Variants in DSCAM observed in about 807,000 individuals in gnomAD.
The protein encoded by DSCAM is cell adhesion molecule DSCAM.
A neutral mutation model predicts 217.7 loss-of-function variants in DSCAM; 47 were observed. The ratio of observed to expected loss-of-function variants is 0.22; its 90% CI spans 0.17 to 0.28. DSCAM has a LOEUF of 0.28. Ranked by LOEUF, DSCAM falls within the 10% of genes least tolerant of loss-of-function variation. The pLI, the probability that DSCAM is intolerant of heterozygous loss-of-function variation, is 1.00. For missense variants in DSCAM, 2,080 were observed against 2,618.3 expected (o/e 0.79, Z 4.49); for synonymous variants, 1,056 against 1,015.3 (o/e 1.04, Z -0.76).
intron 10 of DSCAM, among the ~76,000 whole-genome samples, chr21:40,295,433 T>C (rs1380656351): frequency 6.6e-6 from 1 of 152,150 alleles, no homozygotes; most frequent in African/African-American, 2.4e-5. Context: ...ATATCTACAA[T>C]GTCACCTAAA....
intron 2 of DSCAM, among the ~76,000 whole-genome samples, chr21:40,693,520 A>G (rs2090562891): frequency 6.6e-6 from 1 of 152,180 alleles, no homozygotes; most frequent in Non-Finnish European, 1.5e-5. Flanking sequence ...TCATGAAAGA[A>G]AAGTTACTGG....
rs148414885 is a variant in DSCAM at position 40,250,923 on chromosome 21, C to T, written c.2356+25174G>A. On this transcript the variant is annotated intron_variant, in intron 11 of 32. Transcript: ENST00000400454. ...GACCCTGTCCTTCTTGGCGTCTTTC[C>T]CTGCTTATCAGACCAGTTCTGGGCA... 3.1e-4 allele frequency among the ~76,000 whole-genome samples: 47 copies of T among 152,338 alleles called. No homozygotes were observed. The East Asian group carries it at 8.7e-3, about 28-fold the overall frequency.
At chr21:40,704,694 C>A (rs1329453382) in intron 2 of DSCAM, among the ~76,000 whole-genome samples, 1 of 151,960 alleles carries the variant, frequency 6.6e-6, no homozygotes, top group African/African-American at 2.4e-5. Flanking sequence ...CCGACCTGGA[C>A]AAGAGAGGGA....
At chr21:40,672,609 G>A (rs1210145075) in intron 3 of DSCAM, among the ~76,000 whole-genome samples, 1 of 152,132 alleles carries the variant, frequency 6.6e-6, no homozygotes. Flanking sequence ...GAGCCTAAGT[G>A]GCTCACAGGA....
chr21:40,557,665 T>C (rs1402310121), intron 3 of DSCAM, among the ~76,000 whole-genome samples: 1 of 152,190 alleles, frequency 6.6e-6, no homozygotes, highest in Non-Finnish European at 1.5e-5. Context: ...AATCTCCCTG[T>C]ACATGCGCAC....
intron 14 of DSCAM, 47 bp downstream of exon 14, chr21:40,187,084 A>G (rs771425052): frequency 6.2e-7 from 1 of 1,605,296 alleles, no homozygotes; most frequent in East Asian, 2.2e-5. Flanking sequence ...GAAAAATAAA[A>G]GAACTTTCTG....
intron 3 of DSCAM, among the ~76,000 whole-genome samples, chr21:40,544,296 T>G (rs76815176): frequency 0.02 from 3,101 of 152,258 alleles, 123 homozygotes; most frequent in African/African-American, 0.069. Context: ...ATCGGAAACT[T>G]CACATGAATA....
At chr21:40,077,218 G>C (rs1214521682) in intron 26 of DSCAM, among the ~76,000 whole-genome samples, 5 of 152,194 alleles carry the variant, frequency 3.3e-5, no homozygotes, top group Non-Finnish European at 4.4e-5. Flanking sequence ...ACCAACACTA[G>C]AAGAGCTTTC....
At chr21:40,378,698 T>C (rs962384600) in intron 3 of DSCAM, among the ~76,000 whole-genome samples, 3 of 149,466 alleles carry the variant, frequency 2.0e-5, no homozygotes, top group Non-Finnish European at 4.4e-5. Context: ...TTCACGCCAT[T>C]CTCCTGCCTC....
chr21:40,595,389 A>C (rs1297593158), intron 3 of DSCAM, among the ~76,000 whole-genome samples: 3 of 151,904 alleles, frequency 2.0e-5, no homozygotes, highest in Admixed American at 2.0e-4. Flanking sequence ...AAAAAAAAGA[A>C]AAGAAAAGAG....
intron 10 of DSCAM, among the ~76,000 whole-genome samples, chr21:40,285,098 T>C (rs1047146482): frequency 1.3e-5 from 2 of 152,246 alleles, no homozygotes; most frequent in Admixed American, 6.5e-5. Flanking sequence ...TTCACTCACT[T>C]ATCAGATAAT....
chr21:40,654,994 A>G (rs972496602), intron 3 of DSCAM, among the ~76,000 whole-genome samples: 1 of 152,196 alleles, frequency 6.6e-6, no homozygotes. Context: ...CAGTCTAGAC[A>G]GGGAGATACG....
intron 20 of DSCAM, among the ~76,000 whole-genome samples, chr21:40,104,542 A>C (rs957322611): frequency 5.3e-5 from 8 of 152,196 alleles, no homozygotes; most frequent in Admixed American, 2.6e-4. Flanking sequence ...AAAAGATCAG[A>C]GGTTAAGAGG....
intron 3 of DSCAM, among the ~76,000 whole-genome samples, chr21:40,472,170 T>C (rs1276132340): frequency 6.6e-6 from 1 of 152,210 alleles, no homozygotes; most frequent in African/African-American, 2.4e-5. Flanking sequence ...CCTCCTCTCT[T>C]TGTGGCAGTT....
Position 40,041,751 on chromosome 21 carries a change from C to T in DSCAM, c.5686+620G>A, listed in dbSNP as rs550149494. Reference sequence around the variant, plus strand: ...CCAGTTACCATCACCTTGTGTAATTCAGTGAGGCCAAGTCCCAAACACTGA... The same window carrying T: ...CCAGTTACCATCACCTTGTGTAATTTAGTGAGGCCAAGTCCCAAACACTGA... On this transcript the variant is annotated intron_variant, in intron 32 of 32. Transcript: ENST00000400454. 3.3e-5 allele frequency among the ~76,000 whole-genome samples: 5 copies of T among 152,286 alleles called. No homozygotes were observed. In the East Asian group the frequency reaches 9.7e-4, roughly 29 times the overall value.
chr21:40,247,826 C>T (rs2073247109), intron 11 of DSCAM, among the ~76,000 whole-genome samples: 1 of 152,230 alleles, frequency 6.6e-6, no homozygotes, highest in Non-Finnish European at 1.5e-5. Flanking sequence ...CCACATTTCC[C>T]TTTGACACTG....
chr21:40,407,371 C>A (rs2075287997), intron 3 of DSCAM, among the ~76,000 whole-genome samples: 1 of 152,224 alleles, frequency 6.6e-6, no homozygotes, highest in South Asian at 2.1e-4. Flanking sequence ...ATTTGTGAGA[C>A]AACTTTGCCT....
intron 3 of DSCAM, among the ~76,000 whole-genome samples, chr21:40,626,185 C>T (rs960785711): frequency 5.3e-5 from 8 of 152,140 alleles, no homozygotes; most frequent in South Asian, 4.1e-4. Context: ...AGGAGTGTTG[C>T]GCAACCCAGG....
chr21:40,378,199 T>A (rs1456449920), intron 3 of DSCAM, among the ~76,000 whole-genome samples: 1 of 152,218 alleles, frequency 6.6e-6, no homozygotes, highest in African/African-American at 2.4e-5. Context: ...ACAAGTGAAA[T>A]GAATTACGTT....
Sources: allele counts gnomAD v4.1 joint callset (sites outside exome capture counted in the v4.1 genomes callset), GRCh38; gene constraint gnomAD v4.1.1; transcripts MANE v1.5; gene names NCBI Gene and HGNC (gene_info 2026-07-23, HGNC 2026-07-21).